VTA1: variants seen among roughly 807,000 people sequenced by gnomAD.
VTA1 encodes vacuolar protein sorting-associated protein VTA1 homolog.
A neutral mutation model predicts 36.9 loss-of-function variants in VTA1; 24 were observed. The observed-to-expected ratio is 0.65, with a 90% confidence interval of 0.47 to 0.91. VTA1 has a LOEUF of 0.91. Among genes scored for constraint, VTA1 ranks in the 40% least tolerant of loss-of-function variants. The pLI is 0.00. For synonymous variants in VTA1, 142 were observed against 130.2 expected (o/e 1.09, Z -0.62); for missense variants, 393 against 377.2 (o/e 1.04, Z -0.35).
intron 1 of VTA1, among the ~76,000 whole-genome samples, chr6:142,149,973 C>G (rs1778536852): frequency 6.6e-6 from 1 of 151,990 alleles, no homozygotes; most frequent in Non-Finnish European, 1.5e-5. Context: ...ATCTCTTTGT[C>G]TTTCTGTGCT....
intron 5 of VTA1, among the ~76,000 whole-genome samples, chr6:142,190,813 T>C (rs1162974571): frequency 6.6e-6 from 1 of 152,200 alleles, no homozygotes; most frequent in Non-Finnish European, 1.5e-5. Context: ...AGCTCTGCTG[T>C]TGTAGTACAG....
rs1045585442 is a variant in VTA1 at position 142,221,601 on chromosome 6, G to T, written c.*2958G>T. 6.6e-6 allele frequency: 1 copy of T among 151,970 alleles called. No homozygotes were observed. The highest frequency in any genetic ancestry group is 1.5e-5 in the Non-Finnish European group (1 of 68,014). The allele number at this position is 151,970 out of a possible 1,614,324, so 9.4% of individuals were successfully genotyped here. On this transcript the variant is annotated 3_prime_UTR_variant, in exon 8 of 8. Transcript: ENST00000367630. ...ATAATCATATTGGCTCCTATGTTGAGAATAGACCGTAAGGTGGGTGGTAAG... is the reference window on the plus strand; with the variant it reads ...ATAATCATATTGGCTCCTATGTTGATAATAGACCGTAAGGTGGGTGGTAAG...
chr6:142,214,889 T>G (rs1302463250), intron 7 of VTA1, among the ~76,000 whole-genome samples: 1 of 152,214 alleles, frequency 6.6e-6, no homozygotes, highest in Non-Finnish European at 1.5e-5. Flanking sequence ...TTATAACCAC[T>G]GTCACTACCA....
chr6:142,181,094 A>AATATATATATATATATATAT (rs1169535055), intron 4 of VTA1, among the ~76,000 whole-genome samples: 83 of 36,368 alleles, frequency 2.3e-3, no homozygotes, highest in Non-Finnish European at 3.8e-3. Context: ...AAAAAAAAAA[A>AATATATATATATATATATAT]ATATATATAT....
intron 1 of VTA1, among the ~76,000 whole-genome samples, chr6:142,149,690 T>C (rs1778528244): frequency 1.3e-5 from 2 of 152,208 alleles, no homozygotes; most frequent in Non-Finnish European, 1.5e-5. Context: ...TGTTCAGAAG[T>C]TCTTAATTTA....
In VTA1 at chr6:142,223,082, A is replaced by G. The variant is rs571041974; in HGVS notation, c.*4439A>G. The G allele has an allele frequency of 6.6e-6, 1 of 152,324 alleles. No individual in the cohort carries two copies. The allele number at this position is 152,324 out of a possible 1,614,324, so 9.4% of individuals were successfully genotyped here. ...AGATGTTATGAGTTCCACATTATCA[A>G]GGTCATTGGACAGTTCCTTTTATTA... On this transcript the variant is annotated 3_prime_UTR_variant, in exon 8 of 8. Coordinates refer to ENST00000367630, the MANE Select transcript of VTA1 (RefSeq NM_016485.5).
intron 4 of VTA1, among the ~76,000 whole-genome samples, chr6:142,186,601 A>G (rs1472812010): frequency 1.3e-5 from 2 of 152,094 alleles, no homozygotes; most frequent in Non-Finnish European, 2.9e-5. Context: ...AGAGCTGTTA[A>G]AAATGACTCC....
intron 6 of VTA1, among the ~76,000 whole-genome samples, chr6:142,203,249 A>G (rs886349812): frequency 4.6e-5 from 7 of 151,936 alleles, no homozygotes; most frequent in South Asian, 2.1e-4. Flanking sequence ...CAAATTGCCT[A>G]TTCGAATTCA....
intron 4 of VTA1, among the ~76,000 whole-genome samples, chr6:142,179,760 A>C (rs1775192491): frequency 6.6e-6 from 1 of 152,204 alleles, no homozygotes; most frequent in Non-Finnish European, 1.5e-5. Context: ...TATGCATCTC[A>C]AAGTATGTTC....
chr6:142,216,913 A>T (rs1242583158), intron 7 of VTA1, among the ~76,000 whole-genome samples: 1 of 152,196 alleles, frequency 6.6e-6, no homozygotes, highest in African/African-American at 2.4e-5. Context: ...AAGCACAAAA[A>T]GTAGCGTTAA....
chr6:142,148,343 T>C (rs568077040), intron 1 of VTA1, among the ~76,000 whole-genome samples: 4 of 152,210 alleles, frequency 2.6e-5, no homozygotes, highest in Non-Finnish European at 5.9e-5. Flanking sequence ...TTCCACTCTC[T>C]TGGAATGTGC....
rs1554219856 is a variant in VTA1 at position 142,181,116 on chromosome 6, T to TAC, written c.412-8296_412-8295dup. Among the ~76,000 whole-genome samples, 703 of 86,984 alleles carry TAC rather than the reference T, an allele frequency of 8.1e-3. 23 individuals are homozygous for TAC. Among genetic ancestry groups the TAC allele is most frequent in the East Asian group, 0.03 (67 of 2,246 alleles). 57.1% of individuals were successfully genotyped at this position (86,984 alleles called of 152,430 possible). On this transcript the variant is annotated intron_variant, in intron 4 of 7. Transcript: ENST00000367630. ...AAAAATATATATATATATATATATATACACACACACACACAGACACACTTT... is the reference window on the plus strand; with the variant it reads ...AAAAATATATATATATATATATATATACACACACACACACACAGACACACTTT...
At chr6:142,191,775 A>C (rs942937671) in intron 5 of VTA1, among the ~76,000 whole-genome samples, 1 of 152,098 alleles carries the variant, frequency 6.6e-6, no homozygotes, top group Non-Finnish European at 1.5e-5. Context: ...AAGATAGCCT[A>C]TATATCTACA....
At chr6:142,160,046 C>A (rs532285040) in intron 1 of VTA1, among the ~76,000 whole-genome samples, 2 of 152,224 alleles carry the variant, frequency 1.3e-5, no homozygotes, top group Admixed American at 6.5e-5. Context: ...TTTTGACTGG[C>A]AGTAGGGCAT....
chr6:142,153,757 A>G (rs371134957), intron 1 of VTA1, among the ~76,000 whole-genome samples: 1 of 152,088 alleles, frequency 6.6e-6, no homozygotes, highest in East Asian at 1.9e-4. Flanking sequence ...AAATTCTCTC[A>G]TATTTGAAAC....
chr6:142,218,153 G>A (rs1346603810), intron 7 of VTA1, among the ~76,000 whole-genome samples: 3 of 151,974 alleles, frequency 2.0e-5, no homozygotes, highest in Non-Finnish European at 2.9e-5. Flanking sequence ...TCAAATGAGG[G>A]TTGAATTGGT....
chr6:142,213,364 G>C (rs556104638), intron 7 of VTA1, among the ~76,000 whole-genome samples: 6 of 152,318 alleles, frequency 3.9e-5, no homozygotes, highest in African/African-American at 1.2e-4. Context: ...TGGCTCTGCA[G>C]GGTACAGCCC....
chr6:142,171,997 T>C (rs1775036637), intron 4 of VTA1, among the ~76,000 whole-genome samples: 1 of 152,186 alleles, frequency 6.6e-6, no homozygotes, highest in Non-Finnish European at 1.5e-5. Flanking sequence ...ATTTCAAAGT[T>C]GTGACAAATG....
rs1368247715 is a variant in VTA1, at chr6:142,210,385, A to G, written c.778+6320A>G. ...TCTATGCAAAGATTTTTTTGTGTGT[A>G]AGACCTCGAAAGCATAGGCAAATAA... On this transcript the variant is annotated intron_variant, in intron 7 of 7. Coordinates refer to ENST00000367630, the MANE Select transcript of VTA1 (RefSeq NM_016485.5). Among the ~76,000 whole-genome samples, 3 of 152,202 alleles carry G rather than the reference A, an allele frequency of 2.0e-5. No individual in the cohort carries two copies. In the East Asian group the frequency reaches 5.8e-4, roughly 29 times the overall value.
Sources: gnomAD v4.1 joint callset for allele counts (sites outside exome capture counted in the v4.1 genomes callset) on GRCh38, gnomAD v4.1.1 for gene constraint, MANE v1.5 for transcripts, NCBI Gene and HGNC (gene_info 2026-07-23, HGNC 2026-07-21) for gene names.